ANTXR2: variants seen among roughly 807,000 people sequenced by gnomAD.
ANTXR2 encodes ANTXR cell adhesion molecule 2.
In ANTXR2, 44 loss-of-function variants were observed where a neutral mutation model predicts 73.7. The ratio of observed to expected loss-of-function variants is 0.60; its 90% CI spans 0.47 to 0.77. The LOEUF is 0.77. Ranked by LOEUF, ANTXR2 falls within the 30% of genes least tolerant of loss-of-function variation. The pLI is 0.00. For missense variants in ANTXR2, 604 were observed against 592.5 expected, an observed-to-expected ratio of 1.02 and a Z score of -0.20; for synonymous variants, 217 against 205.9, an observed-to-expected ratio of 1.05 and a Z score of -0.46.
chr4:79,915,877 T>TATATAC (rs1286818653), intron 16 of ANTXR2, among the ~76,000 whole-genome samples: 9 of 149,858 alleles, frequency 6.0e-5, no homozygotes, highest in Admixed American at 2.0e-4. Context: ...TATATATATA[T>TATATAC]ACATAAAGAA....
At chr4:79,999,953 G>C (rs927863412) in intron 12 of ANTXR2, among the ~76,000 whole-genome samples, 2 of 151,874 alleles carry the variant, frequency 1.3e-5, no homozygotes, top group Non-Finnish European at 2.9e-5. Context: ...ATATGATATG[G>C]GATACATGTG....
intron 16 of ANTXR2, among the ~76,000 whole-genome samples, chr4:79,920,167 G>A (rs1727538912): frequency 6.6e-6 from 1 of 151,640 alleles, no homozygotes; most frequent in Non-Finnish European, 1.5e-5. Flanking sequence ...TACTCAAAAT[G>A]TTTTCTCTAA....
chr4:79,936,300 T>G (rs1410628981), intron 16 of ANTXR2, among the ~76,000 whole-genome samples: 1 of 150,432 alleles, frequency 6.6e-6, no homozygotes, highest in African/African-American at 2.5e-5. Flanking sequence ...AATGACAAAA[T>G]GCTATTTAAC....
chr4:80,024,556 T>G (rs1578165330), intron 10 of ANTXR2: 1 of 294,668 alleles, frequency 3.4e-6, no homozygotes, highest in Non-Finnish European at 6.8e-6. Context: ...AGCCCAGGAG[T>G]TTGAGACCAG....
chr4:80,024,465 T>C lies in ANTXR2; in HGVS notation c.867-5489A>G, dbSNP rs60116263. Among the ~76,000 whole-genome samples, 1,117 of 152,234 alleles carry C rather than the reference T, an allele frequency of 7.3e-3. 11 individuals are homozygous for C. The highest frequency in any genetic ancestry group is 0.025 in the African/African-American group (1,046 of 41,540). ...TAAGTCAAGTATCCTCCAACCATGATAAAAACTGAGGGGCACTGGACACTG... is the reference window on the plus strand; with the variant it reads ...TAAGTCAAGTATCCTCCAACCATGACAAAAACTGAGGGGCACTGGACACTG... On this transcript the variant is annotated intron_variant, in intron 10 of 16. Coordinates refer to ENST00000403729, the MANE Select transcript of ANTXR2 (RefSeq NM_058172.6).
intron 7 of ANTXR2, among the ~76,000 whole-genome samples, chr4:80,038,567 T>C (rs933872910): frequency 1.3e-5 from 2 of 152,192 alleles, no homozygotes; most frequent in Middle Eastern, 6.8e-3. Context: ...TCAAGTTAAA[T>C]TAAGCAGAGA....
intron 16 of ANTXR2, among the ~76,000 whole-genome samples, chr4:79,916,544 TA>T (rs986955701): frequency 6.6e-6 from 1 of 151,972 alleles, no homozygotes; most frequent in African/African-American, 2.4e-5. Flanking sequence ...AAATCAATAG[TA>T]AAAAAATTTC....
chr4:79,944,582 G>A (rs1018490890), intron 16 of ANTXR2, among the ~76,000 whole-genome samples: 1 of 151,288 alleles, frequency 6.6e-6, no homozygotes. Flanking sequence ...ATTTTTTTCA[G>A]CATTCACAAT....
chr4:79,988,811 C>A lies in ANTXR2; in HGVS notation c.1042-3948G>T, dbSNP rs141676764. The stretch of plus-strand genomic sequence containing the variant: ...CCAATCACACTAGCAGAACACAGTA[C>A]AATAGAAATAGAAATCAATACCAAG... On this transcript the variant is annotated intron_variant, in intron 12 of 16. Coordinates refer to ENST00000403729, the MANE Select transcript of ANTXR2 (RefSeq NM_058172.6). Among the ~76,000 whole-genome samples the A allele has an allele frequency of 4.6e-5, 7 of 152,068 alleles. No homozygotes were observed. The East Asian group carries it at 1.4e-3, about 29-fold the overall frequency.
chr4:80,033,042 C>G (rs1290369509), intron 9 of ANTXR2, among the ~76,000 whole-genome samples: 1 of 151,534 alleles, frequency 6.6e-6, no homozygotes, highest in African/African-American at 2.4e-5. Flanking sequence ...AGGAGAGAAG[C>G]TGAAGATAAT....
intron 3 of ANTXR2, among the ~76,000 whole-genome samples, chr4:80,067,216 AAAAG>A (rs1490657408): frequency 2.0e-5 from 3 of 149,550 alleles, no homozygotes; most frequent in Non-Finnish European, 4.5e-5. Flanking sequence ...ACAAAAAAAA[AAAAG>A]AAAGAAAGAA....
chr4:79,966,321 T>A (rs1729363642), intron 16 of ANTXR2, among the ~76,000 whole-genome samples: 1 of 152,174 alleles, frequency 6.6e-6, no homozygotes, highest in Non-Finnish European at 1.5e-5. Flanking sequence ...ATAAACCACA[T>A]CTACATAAAC....
chr4:79,982,511 C>T (rs1359269279), intron 14 of ANTXR2, among the ~76,000 whole-genome samples: 1 of 152,064 alleles, frequency 6.6e-6, no homozygotes, highest in Non-Finnish European at 1.5e-5. Context: ...TAGGAACATC[C>T]TATATACTTT....
chr4:80,015,629 A>G (rs1006788341), intron 11 of ANTXR2, among the ~76,000 whole-genome samples: 2 of 151,886 alleles, frequency 1.3e-5, no homozygotes, highest in Non-Finnish European at 1.5e-5. Flanking sequence ...CAAGGCAATA[A>G]AACCTGAAAA....
chr4:79,958,407 C>T (rs1287875482), intron 16 of ANTXR2, among the ~76,000 whole-genome samples: 1 of 152,106 alleles, frequency 6.6e-6, no homozygotes, highest in African/African-American at 2.4e-5. Context: ...GATGCCAGAG[C>T]ATGAAAAGTG....
chr4:80,032,507 T>C (rs1218189736), intron 9 of ANTXR2, among the ~76,000 whole-genome samples: 1 of 151,880 alleles, frequency 6.6e-6, no homozygotes, highest in Non-Finnish European at 1.5e-5. Context: ...AAGAGAGGAA[T>C]TAATTATGAC....
At position 79,915,860 on chromosome 4, in the gene ANTXR2, C is replaced by CTATATATATATA. The variant is rs775665680; in HGVS notation, c.1429-8394_1429-8393insTATATATATATA. Among the ~76,000 whole-genome samples the CTATATATATATA allele has an allele frequency of 2.3e-4, 28 of 121,950 alleles. No individual in the cohort carries two copies. In the East Asian group the frequency reaches 3.0e-3, roughly 13 times the overall value. The allele number at this position is 121,950 out of a possible 152,430, so 80.0% of individuals were successfully genotyped here. A position where few individuals can be genotyped will look rare whatever the true frequency, so the allele number is the denominator to read the frequency against. ...TCTCTCTCTCTCTCTCTCTCTCTCT[C>CTATATATATATA]TCTATATATATATATATACATAAAG... On this transcript the variant is annotated intron_variant, in intron 16 of 16. Transcript: ENST00000403729.
chr4:79,965,755 C>T (rs1729337886), intron 16 of ANTXR2, among the ~76,000 whole-genome samples: 1 of 152,098 alleles, frequency 6.6e-6, no homozygotes, highest in Non-Finnish European at 1.5e-5. Flanking sequence ...GAACTTTTTG[C>T]TATGCATAGA....
At chr4:79,992,376 CAG>C (rs1400174635) in intron 12 of ANTXR2, among the ~76,000 whole-genome samples, 1 of 151,470 alleles carries the variant, frequency 6.6e-6, no homozygotes, top group Non-Finnish European at 1.5e-5. Context: ...ATCCAAACCT[CAG>C]GGAAAAAATA....
Sources: allele counts gnomAD v4.1 joint callset (sites outside exome capture counted in the v4.1 genomes callset), GRCh38; gene constraint gnomAD v4.1.1; transcripts MANE v1.5; gene names NCBI Gene and HGNC (gene_info 2026-07-23, HGNC 2026-07-21).